The following EYS variants were observed in gnomAD, a reference collection of about 807,000 sequenced individuals.
The protein encoded by EYS is protein eyes shut homolog.
In EYS, 250 loss-of-function variants were observed where a neutral mutation model predicts 282.1. The observed-to-expected ratio is 0.89, with a 90% CI of 0.80 to 0.98. The LOEUF (loss-of-function observed/expected upper bound fraction) is 0.98. Ranked by LOEUF, EYS falls within the 50% of genes least tolerant of loss-of-function variation. EYS has a pLI of 0.00. For missense variants in EYS, 4,016 were observed against 3,709.0 expected, an observed-to-expected ratio of 1.08 and a Z score of -2.15; for synonymous variants, 1,355 against 1,282.9, an observed-to-expected ratio of 1.06 and a Z score of -1.20.
At chr6:65,189,358 T>C (rs1371259902) in intron 12 of EYS, among the ~76,000 whole-genome samples, 1 of 151,714 alleles carries the variant, frequency 6.6e-6, no homozygotes, top group Non-Finnish European at 1.5e-5. Flanking sequence ...GGTGGATAAT[T>C]CATGCTTACG....
At chr6:64,454,732 G>A (rs887372936) in intron 26 of EYS, among the ~76,000 whole-genome samples, 1 of 152,094 alleles carries the variant, frequency 6.6e-6, no homozygotes, top group Middle Eastern at 3.2e-3. Context: ...AGTATCCACA[G>A]ATTTTGGTAT....
rs532479457 is a variant in EYS, at chr6:65,302,423, G to A, written c.1767-6304C>T. ...TCTGTGATCAAGTTGTCATTTGGAA[G>A]ATTAAACCCATTTCACGAGGACTTG... On this transcript the variant is annotated intron_variant, in intron 11 of 42. Transcript: ENST00000503581. 8 of 636,354 alleles carry A rather than the reference G, an allele frequency of 1.3e-5. No individual in the cohort carries two copies. In the African/African-American group the frequency reaches 1.5e-4, roughly 12 times the overall value. 39.4% of individuals were successfully genotyped at this position (636,354 alleles called of 1,614,324 possible). A position where few individuals can be genotyped will look rare whatever the true frequency, so the allele number is the denominator to read the frequency against.
chr6:64,363,618 C>T (rs569148505), intron 29 of EYS, among the ~76,000 whole-genome samples: 2 of 151,804 alleles, frequency 1.3e-5, no homozygotes, highest in Non-Finnish European at 2.9e-5. Context: ...GCTTAACAGG[C>T]CTTCTGGCTC....
chr6:64,003,016 G>T (rs907777489), intron 33 of EYS, among the ~76,000 whole-genome samples: 6 of 152,034 alleles, frequency 3.9e-5, no homozygotes, highest in Non-Finnish European at 8.8e-5. Context: ...CTTCCTTTCA[G>T]GTTCACCTAT....
intron 31 of EYS, among the ~76,000 whole-genome samples, chr6:64,210,336 T>C (rs1336334765): frequency 1.1e-4 from 17 of 152,146 alleles, no homozygotes; most frequent in Admixed American, 1.1e-3. Context: ...GATCAAGGTG[T>C]TGGCAGCCCT....
intron 31 of EYS, among the ~76,000 whole-genome samples, chr6:64,228,859 A>T (rs554805008): frequency 5.3e-4 from 80 of 152,292 alleles, no homozygotes; most frequent in Middle Eastern, 6.8e-3. Context: ...TGTTAAAGAT[A>T]CTAGGTAAAG....
chr6:65,387,843 T>C lies in EYS; in HGVS notation c.1185-3343A>G, dbSNP rs1765860184. Among the ~76,000 whole-genome samples the C allele has an allele frequency of 2.6e-5, 4 of 152,158 alleles. No individual in the cohort carries two copies. In the South Asian group the frequency reaches 8.3e-4, roughly 31 times the overall value. ...TATAATGTTTAAGTTGTAATTTTTG[T>C]CTTAAAGCATTGTAGTTCACATTTG... On this transcript the variant is annotated intron_variant, in intron 7 of 42. Transcript: ENST00000503581.
intron 29 of EYS, among the ~76,000 whole-genome samples, chr6:64,385,887 A>AT (rs1415319372): frequency 7.2e-5 from 11 of 151,934 alleles, no homozygotes; most frequent in African/African-American, 9.7e-5. Context: ...TTCTTGTGAC[A>AT]TTTTTTTCCT....
chr6:64,722,577 T>C (rs957318722), intron 22 of EYS, among the ~76,000 whole-genome samples: 17 of 150,558 alleles, frequency 1.1e-4, no homozygotes, highest in African/African-American at 3.4e-4. Flanking sequence ...ATTTGAACAA[T>C]ACAGGGCTAG....
chr6:65,402,466 A>G lies in EYS; in HGVS notation c.1184+12T>C. 1 of 1,465,436 alleles carries G rather than the reference A, an allele frequency of 6.8e-7. No homozygotes were observed. Among genetic ancestry groups the G allele is most frequent in the Non-Finnish European group, 9.5e-7 (1 of 1,047,130 alleles). The allele number at this position is 1,465,436 out of a possible 1,614,324, so 90.8% of individuals were successfully genotyped here. A position where few individuals can be genotyped will look rare whatever the true frequency, so the allele number is the denominator to read the frequency against. On this transcript the variant is annotated intron_variant, in intron 7 of 42. Coordinates refer to ENST00000503581, the MANE Select transcript of EYS (RefSeq NM_001142800.2). Reference sequence around the variant, plus strand: ...TACTTTGTATTAAAAATAAACAGAAAATTAATTATACCTGCAAGGATAATC... The same window carrying G: ...TACTTTGTATTAAAAATAAACAGAAGATTAATTATACCTGCAAGGATAATC...
At chr6:64,712,342 A>G (rs191789035) in intron 22 of EYS, among the ~76,000 whole-genome samples, 1 of 152,308 alleles carries the variant, frequency 6.6e-6, no homozygotes, top group East Asian at 1.9e-4. Context: ...AAGAGATAAG[A>G]GTGTTTGTGG....
chr6:65,090,515 A>G (rs868609360), intron 12 of EYS, among the ~76,000 whole-genome samples: 1 of 152,182 alleles, frequency 6.6e-6, no homozygotes, highest in Non-Finnish European at 1.5e-5. Flanking sequence ...TTTGTGGATT[A>G]GAAATATACT....
At chr6:63,969,763 T>C (rs1766468229) in intron 35 of EYS, among the ~76,000 whole-genome samples, 1 of 152,214 alleles carries the variant, frequency 6.6e-6, no homozygotes, top group Non-Finnish European at 1.5e-5. Flanking sequence ...ACATAATATA[T>C]GGGGCCCAGT....
intron 12 of EYS, among the ~76,000 whole-genome samples, chr6:65,200,646 A>G (rs1765878102): frequency 6.6e-6 from 1 of 151,660 alleles, no homozygotes; most frequent in Non-Finnish European, 1.5e-5. Context: ...TGTATATACC[A>G]TGACCCATAT....
intron 22 of EYS, among the ~76,000 whole-genome samples, chr6:64,774,757 A>G (rs1773628809): frequency 6.6e-6 from 1 of 151,946 alleles, no homozygotes; most frequent in East Asian, 1.9e-4. Flanking sequence ...TTCCCACTGT[A>G]AAATTTACTT....
chr6:64,049,379 A>G (rs1433169759), intron 33 of EYS, among the ~76,000 whole-genome samples: 1 of 152,088 alleles, frequency 6.6e-6, no homozygotes. Flanking sequence ...AGCACATTTC[A>G]CTGTATGCTA....
chr6:64,105,046 C>T lies in EYS; in HGVS notation c.6425-23044G>A, dbSNP rs567433684. ...AGATGAATGAATGAGAGAGAGGGGGCGGGGAGAGACAGAAGATGAAAGAGA... is the reference window on the plus strand; with the variant it reads ...AGATGAATGAATGAGAGAGAGGGGGTGGGGAGAGACAGAAGATGAAAGAGA... On this transcript the variant is annotated intron_variant, in intron 31 of 42. Transcript: ENST00000503581. Among the ~76,000 whole-genome samples the T allele has an allele frequency of 5.4e-5, 8 of 149,370 alleles. No individual in the cohort carries two copies. In the South Asian group the frequency reaches 1.3e-3, roughly 24 times the overall value.
chr6:65,077,693 T>C (rs2150169724), intron 12 of EYS, among the ~76,000 whole-genome samples: 1 of 152,218 alleles, frequency 6.6e-6, no homozygotes, highest in East Asian at 1.9e-4. Flanking sequence ...TATTCATTTC[T>C]AGATTAATGT....
rs138863916 is a variant in EYS at position 63,910,905 on chromosome 6, A to T, written c.7056-46547T>A. Among the ~76,000 whole-genome samples, 69 of 152,266 alleles carry T rather than the reference A, an allele frequency of 4.5e-4. 2 individuals carry two copies. In the East Asian group the frequency reaches 8.1e-3, roughly 18 times the overall value. On this transcript the variant is annotated intron_variant, in intron 35 of 42. Coordinates refer to ENST00000503581, the MANE Select transcript of EYS (RefSeq NM_001142800.2). ...AAATTATTTTAGATAGCAGTTGTTAATTACTCAGCATTAATTAAATGAAGT... is the reference window on the plus strand; with the variant it reads ...AAATTATTTTAGATAGCAGTTGTTATTTACTCAGCATTAATTAAATGAAGT...
Sources: allele counts gnomAD v4.1 joint callset (sites outside exome capture counted in the v4.1 genomes callset), GRCh38; gene constraint gnomAD v4.1.1; transcripts MANE v1.5; gene names NCBI Gene and HGNC (gene_info 2026-07-23, HGNC 2026-07-21).